The following NF2 variants were observed in gnomAD, a reference collection of about 807,000 sequenced individuals.
The protein encoded by NF2 is merlin.
Under a neutral mutation model 83.7 loss-of-function variants are expected in NF2, and 8 were observed. The observed-to-expected ratio is 0.10, with a 90% CI of 0.06 to 0.17. The LOEUF (loss-of-function observed/expected upper bound fraction) is 0.17. Among genes scored for constraint, NF2 ranks in the 10% least tolerant of loss-of-function variants. The pLI is 1.00. For synonymous variants in NF2, 266 were observed against 269.6 expected, an observed-to-expected ratio of 0.99 and a Z score of 0.13; for missense variants, 533 against 744.4, an observed-to-expected ratio of 0.72 and a Z score of 3.31.
At chr22:29,665,331 C>T (rs1340957017) in intron 9 of NF2, among the ~76,000 whole-genome samples, 2 of 151,936 alleles carry the variant, frequency 1.3e-5, no homozygotes, top group East Asian at 3.9e-4. Flanking sequence ...GCAACGTCCG[C>T]CTCCCAGATT....
intron 7 of NF2, 45 bp downstream of exon 7, chr22:29,658,309 T>A (rs762259597): frequency 6.6e-7 from 1 of 1,521,122 alleles, no homozygotes; most frequent in Non-Finnish European, 9.1e-7. Context: ...AGACAGAGAC[T>A]GAGTGAGGGC....
At chr22:29,625,208 C>G (rs917601866) in intron 1 of NF2, among the ~76,000 whole-genome samples, 1 of 152,080 alleles carries the variant, frequency 6.6e-6, no homozygotes, top group Non-Finnish European at 1.5e-5. Context: ...ATTACAGGCA[C>G]GAGCCATTGC....
intron 1 of NF2, among the ~76,000 whole-genome samples, chr22:29,605,154 T>A (rs76868964): frequency 3.6e-5 from 3 of 82,286 alleles, no homozygotes; most frequent in African/African-American, 1.2e-4. Flanking sequence ...CTGGCTAATT[T>A]TTTTTTTTTT....
intron 1 of NF2, among the ~76,000 whole-genome samples, chr22:29,619,928 A>T (rs1392676985): frequency 6.6e-6 from 1 of 152,160 alleles, no homozygotes. Context: ...AATGCACACT[A>T]CCTCATTTGA....
Position 29,655,941 on chromosome 22 carries a change from AT to A in NF2, c.599+280del, listed in dbSNP as rs59436932. Among the ~76,000 whole-genome samples, 878 of 142,228 alleles carry A rather than the reference AT, an allele frequency of 6.2e-3. 5 individuals carry two copies. The highest frequency in any genetic ancestry group is 0.026 in the South Asian group (115 of 4,464). The allele number at this position is 142,228 out of a possible 152,430, so 93.3% of individuals were successfully genotyped here. ...GTACTCACTGGTAATTAAGTTTAAG[AT>A]TTTTTTTTTTTTTTGAGACAGAGTC... On this transcript the variant is annotated intron_variant, in intron 6 of 15. Coordinates refer to ENST00000338641, the MANE Select transcript of NF2 (RefSeq NM_000268.4).
intron 3 of NF2, among the ~76,000 whole-genome samples, chr22:29,639,493 T>C (rs932607621): frequency 6.6e-6 from 1 of 152,184 alleles, no homozygotes; most frequent in Non-Finnish European, 1.5e-5. Flanking sequence ...CCTATTTTCT[T>C]CTAGCTAACT....
intron 15 of NF2, chr22:29,683,079 G>C: frequency 6.2e-7 from 1 of 1,614,222 alleles, no homozygotes; most frequent in Non-Finnish European, 8.5e-7. Flanking sequence ...GTTGTTCCCA[G>C]GTACTCTCTA....
chr22:29,654,583 T>C (rs1343976269), intron 4 of NF2, 74 bp from the exon 5 acceptor site: 2 of 1,253,590 alleles, frequency 1.6e-6, no homozygotes, highest in Non-Finnish European at 2.3e-6. Context: ...GGGAATGAGA[T>C]TGGTCCAGCT....
rs941933028 is a variant in NF2 at position 29,619,458 on chromosome 22, G to A, written c.114+15346G>A. Among the ~76,000 whole-genome samples the A allele has an allele frequency of 6.6e-5, 10 of 151,270 alleles. No homozygotes were observed. In the East Asian group the frequency reaches 7.9e-4, roughly 12 times the overall value. ...GTTGCCCAGGCTGGAGTGCAGTGGC[G>A]TGATCTCAGCTCACTTCAACCTCTG... On this transcript the variant is annotated intron_variant, in intron 1 of 15. Transcript: ENST00000338641.
At chr22:29,692,988 C>G (rs1226345413) in intron 15 of NF2, among the ~76,000 whole-genome samples, 1 of 152,232 alleles carries the variant, frequency 6.6e-6, no homozygotes, top group East Asian at 1.9e-4. Flanking sequence ...GGGCCTTGCA[C>G]CAGGCAGCTG....
intron 1 of NF2, among the ~76,000 whole-genome samples, chr22:29,604,749 AGT>A (rs1393353233): frequency 1.3e-5 from 2 of 152,306 alleles, no homozygotes; most frequent in African/African-American, 4.8e-5. Context: ...TGCTGCTAAA[AGT>A]GTGGTTTGTG....
At chr22:29,649,491 C>A (rs531573207) in intron 4 of NF2, among the ~76,000 whole-genome samples, 2 of 152,290 alleles carry the variant, frequency 1.3e-5, no homozygotes, top group South Asian at 4.1e-4. Flanking sequence ...AGCTTGAGCC[C>A]AGGAGTTCGA....
intron 9 of NF2, among the ~76,000 whole-genome samples, chr22:29,666,371 C>G (rs1019905005): frequency 2.0e-4 from 31 of 152,030 alleles, no homozygotes; most frequent in African/African-American, 6.3e-4. Flanking sequence ...GAACTCCTGA[C>G]CTTGTGATCT....
At chr22:29,658,097 A>G in intron 6 of NF2, 92 bp from the exon 7 acceptor site, 1 of 1,157,922 alleles carries the variant, frequency 8.6e-7, no homozygotes, top group African/African-American at 1.5e-5. Context: ...GCTCTAGAGG[A>G]ATGGCAGGGT....
chr22:29,661,395 C>G (rs1043723746), intron 8 of NF2, 56 bp downstream of exon 8: 6 of 1,607,402 alleles, frequency 3.7e-6, no homozygotes, highest in African/African-American at 1.3e-5. Flanking sequence ...GTCTGCCCCC[C>G]TCACTGGAGC....
rs2066911364 is a variant in NF2 at position 29,674,836 on chromosome 22, G to A, written c.1341G>A (p.Arg447=). The part of the protein sequence containing the change: ...ALKMAEESER[R]AKEADQLKQD... Reference sequence around the variant, plus strand: ...CTGACATCTCATCCTTTCCTTGCAGGGCCAAAGAGGCAGATCAGCTGAAGC... The same window carrying A: ...CTGACATCTCATCCTTTCCTTGCAGAGCCAAAGAGGCAGATCAGCTGAAGC... The change falls in exon 13 of 16, where the codon AGG becomes AGA. Residue 447 remains arginine (R), a splice_region_variant and synonymous_variant. Transcript: ENST00000338641. The A allele has an allele frequency of 1.3e-6, 2 of 1,555,152 alleles. No individual in the cohort carries two copies. The highest frequency in any genetic ancestry group is 1.9e-5 in the Admixed American group (1 of 51,370).
intron 1 of NF2, among the ~76,000 whole-genome samples, chr22:29,613,391 G>A (rs1042811277): frequency 6.6e-6 from 1 of 152,118 alleles, no homozygotes; most frequent in African/African-American, 2.4e-5. Flanking sequence ...TTAACCGGGC[G>A]TGGGGGTGCA....
chr22:29,637,605 C>A (rs1450422159), intron 2 of NF2, among the ~76,000 whole-genome samples: 4 of 152,152 alleles, frequency 2.6e-5, no homozygotes, highest in Non-Finnish European at 5.9e-5. Context: ...ACCTGAACTT[C>A]AAAGTAAGTC....
At chr22:29,648,589 C>G (rs1281825336) in intron 4 of NF2, among the ~76,000 whole-genome samples, 2 of 152,192 alleles carry the variant, frequency 1.3e-5, no homozygotes, top group Non-Finnish European at 2.9e-5. Context: ...CACACACATC[C>G]TTTTCACTTA....
Sources: allele counts gnomAD v4.1 joint callset (sites outside exome capture counted in the v4.1 genomes callset), GRCh38; gene constraint gnomAD v4.1.1; transcripts MANE v1.5; gene names NCBI Gene and HGNC (gene_info 2026-07-23, HGNC 2026-07-21).